Variants in CIT observed in about 807,000 individuals in gnomAD.
CIT encodes the protein citron rho-interacting serine/threonine kinase, also known as citron Rho-interacting kinase.
In CIT, 79 loss-of-function variants were observed where a neutral mutation model predicts 272.7. The observed-to-expected ratio is 0.29, with a 90% CI of 0.24 to 0.35. CIT has a LOEUF of 0.35. Ranked by LOEUF, CIT falls within the 10% of genes least tolerant of loss-of-function variation. CIT has a pLI of 1.00. For synonymous variants in CIT, 948 were observed against 995.6 expected (o/e 0.95, Z 0.90); for missense variants, 1,909 against 2,618.3 (o/e 0.73, Z 5.91).
chr12:119,802,334 A>G (rs918817876), intron 10 of CIT, among the ~76,000 whole-genome samples: 1 of 152,158 alleles, frequency 6.6e-6, no homozygotes, highest in African/African-American at 2.4e-5. Context: ...CTGACCTCCC[A>G]CATCCACAGA....
At chr12:119,789,575 G>A (rs889126897) in intron 10 of CIT, among the ~76,000 whole-genome samples, 12 of 152,168 alleles carry the variant, frequency 7.9e-5, no homozygotes, top group African/African-American at 2.6e-4. Flanking sequence ...TGTAGACATG[G>A]GGAAATTCAA....
intron 4 of CIT, among the ~76,000 whole-genome samples, chr12:119,851,994 C>T (rs1471530008): frequency 6.6e-6 from 1 of 152,184 alleles, no homozygotes; most frequent in Non-Finnish European, 1.5e-5. Flanking sequence ...GATCCCACCA[C>T]TGCACTCCAG....
chr12:119,718,250 G>A lies in CIT; in HGVS notation c.4163C>T (p.Pro1388Leu). The A allele has an allele frequency of 7.4e-6, 12 of 1,612,188 alleles. No homozygotes were observed. Among genetic ancestry groups the A allele is most frequent in the African/African-American group, 1.3e-5 (1 of 74,976 alleles). ...PSSRRKESST[P>L]EEFSRRLKER... ...TCCATACAACTCCAACGTACCCTCT[G>A]GAGTTGAAGACTCCTTTCTGCGGCT... Residue 1388 changes from proline to leucine, a missense_variant, in exon 32 of 48, where the codon CCA becomes CTA. This residue lies in a region of CIT where 780 missense variants were observed against 1,067.2 expected (regional missense o/e 0.73). Coordinates refer to ENST00000392521, the MANE Select transcript of CIT (RefSeq NM_001206999.2). This position sits in a 1 kb window ranked among gnomAD's most constrained non-coding sequence, Gnocchi z 4.8.
chr12:119,759,806 C>A (rs966412446), intron 20 of CIT, among the ~76,000 whole-genome samples: 1 of 152,130 alleles, frequency 6.6e-6, no homozygotes. Flanking sequence ...TTCTCTACAG[C>A]AAAGTTTCCC....
At chr12:119,751,943 T>G (rs1593595888) in intron 23 of CIT, 107 bp downstream of exon 23, 1 of 1,010,962 alleles carries the variant, frequency 9.9e-7, no homozygotes, top group East Asian at 2.7e-5. Flanking sequence ...TGGATCATGT[T>G]TTCCCTCCTG....
chr12:119,781,044 G>A (rs1186214340), intron 13 of CIT, among the ~76,000 whole-genome samples: 2 of 152,184 alleles, frequency 1.3e-5, no homozygotes, highest in African/African-American at 2.4e-5. Flanking sequence ...ATTTCCCCAG[G>A]ATGTCACCAA....
chr12:119,870,240 G>A (rs1483373929), intron 2 of CIT, among the ~76,000 whole-genome samples: 1 of 152,106 alleles, frequency 6.6e-6, no homozygotes, highest in African/African-American at 2.4e-5. Flanking sequence ...TGCCAGTTCA[G>A]GGCAGTGCCT....
chr12:119,719,273 G>A (rs1041491828), intron 30 of CIT, among the ~76,000 whole-genome samples: 2 of 152,012 alleles, frequency 1.3e-5, no homozygotes, highest in African/African-American at 4.8e-5. Flanking sequence ...ACACAGAGAT[G>A]AGTGTTTTGT....
rs1957224092 is a variant in CIT at position 119,712,588 on chromosome 12, C to T, written c.4684+3G>A. ...GGGCGGGGCTCCTCCGGCTCCTCCTCACCTGCTTTGGCTGTATTTGCGAGT... is the reference window on the plus strand; with the variant it reads ...GGGCGGGGCTCCTCCGGCTCCTCCTTACCTGCTTTGGCTGTATTTGCGAGT... On this transcript the variant is annotated splice_donor_region_variant and intron_variant, in intron 36 of 47. Coordinates refer to ENST00000392521, the MANE Select transcript of CIT (RefSeq NM_001206999.2). The surrounding 1 kb of genome is among the most constrained non-coding windows in gnomAD (Gnocchi z 5.2). 1.2e-6 allele frequency: 2 copies of T among 1,613,968 alleles called. No homozygotes were observed. Among genetic ancestry groups the T allele is most frequent in the Admixed American group, 1.7e-5 (1 of 60,024 alleles).
chr12:119,714,877 A>G (rs1957364928), intron 32 of CIT, among the ~76,000 whole-genome samples: 1 of 152,254 alleles, frequency 6.6e-6, no homozygotes, highest in African/African-American at 2.4e-5. Context: ...AAATCTGTAC[A>G]TAAATGTTCA....
chr12:119,810,892 A>T (rs1966842021), intron 9 of CIT, among the ~76,000 whole-genome samples: 1 of 152,136 alleles, frequency 6.6e-6, no homozygotes, highest in South Asian at 2.1e-4. Flanking sequence ...CAGCAAATAG[A>T]GCTGGCTACT....
chr12:119,873,301 G>C (rs956684530), intron 2 of CIT, among the ~76,000 whole-genome samples: 12 of 139,184 alleles, frequency 8.6e-5, no homozygotes, highest in Non-Finnish European at 1.7e-4. Context: ...ACAGGGTCTT[G>C]CTCTGTCGCC....
At chr12:119,843,574 G>A (rs1969555993) in intron 5 of CIT, among the ~76,000 whole-genome samples, 1 of 152,098 alleles carries the variant, frequency 6.6e-6, no homozygotes, top group African/African-American at 2.4e-5. Flanking sequence ...CACTTTGGGA[G>A]GCCGAGGAGG....
At chr12:119,857,721 C>T in intron 3 of CIT, 23 bp from the exon 4 acceptor site, 2 of 1,595,924 alleles carry the variant, frequency 1.3e-6, no homozygotes, top group Non-Finnish European at 1.7e-6. Context: ...CAAGAGTTAG[C>T]CCCAGGTAAA....
At position 119,718,520 on chromosome 12, in the gene CIT, C is replaced by G. The variant is rs1015684061; in HGVS notation, c.4004-111G>C. On this transcript the variant is annotated intron_variant, in intron 31 of 47. Coordinates refer to ENST00000392521, the MANE Select transcript of CIT (RefSeq NM_001206999.2). The surrounding 1 kb of genome is among the most constrained non-coding windows in gnomAD (Gnocchi z 4.8). ...AAGGACCCAAGACCAAAAGAATATG[C>G]GTCACATCAACTTGGCAATGCACAG... The G allele has an allele frequency of 6.9e-7, 1 of 1,442,106 alleles. No homozygotes were observed. The highest frequency in any genetic ancestry group is 1.4e-5 in the African/African-American group (1 of 70,634). 89.3% of individuals were successfully genotyped at this position (1,442,106 alleles called of 1,614,324 possible). A position where few individuals can be genotyped will look rare whatever the true frequency, so the allele number is the denominator to read the frequency against.
intron 7 of CIT, among the ~76,000 whole-genome samples, chr12:119,826,763 GTGAAAC>G (rs1968199331): frequency 6.6e-6 from 1 of 152,216 alleles, no homozygotes; most frequent in Non-Finnish European, 1.5e-5. Flanking sequence ...ACGATGGTAA[GTGAAAC>G]TGAGTGAGCC....
chr12:119,854,100 T>C (rs1970415961), intron 4 of CIT, among the ~76,000 whole-genome samples: 1 of 151,764 alleles, frequency 6.6e-6, no homozygotes, highest in South Asian at 2.1e-4. Context: ...TGATCTAAGC[T>C]CACTGCAACC....
intron 23 of CIT, among the ~76,000 whole-genome samples, chr12:119,747,096 G>T (rs1311072750): frequency 6.6e-6 from 1 of 152,166 alleles, no homozygotes; most frequent in Non-Finnish European, 1.5e-5. Context: ...TCTTGTTTAT[G>T]TAGTATCCAC....
intron 3 of CIT, among the ~76,000 whole-genome samples, chr12:119,861,718 C>T (rs1398360285): frequency 1.3e-5 from 2 of 152,138 alleles, no homozygotes; most frequent in Non-Finnish European, 2.9e-5. Context: ...CACAGTAATC[C>T]AAACTTTCAA....
Sources: allele counts gnomAD v4.1 joint callset (sites outside exome capture counted in the v4.1 genomes callset), GRCh38; gene constraint gnomAD v4.1.1; regional missense constraint gnomAD v4.1.1; non-coding constraint Gnocchi (gnomAD v3.1); transcripts MANE v1.5; gene names NCBI Gene and HGNC (gene_info 2026-07-23, HGNC 2026-07-21).